The following SHISA9 variants were observed in gnomAD, a reference collection of about 807,000 sequenced individuals.
The protein encoded by SHISA9 is protein shisa-9.
Under a neutral mutation model 38.0 loss-of-function variants are expected in SHISA9, and 13 were observed. The observed-to-expected ratio is 0.34, with a 90% CI of 0.22 to 0.54. SHISA9 has a LOEUF of 0.54. SHISA9 is among the 20% of genes least tolerant of loss of function. The probability of loss-of-function intolerance (pLI) is 0.91; values close to 1 mark genes in which losing one functional copy is unlikely to be tolerated. For synonymous variants in SHISA9, 275 were observed against 242.0 expected, an observed-to-expected ratio of 1.14 and a Z score of -1.27; for missense variants, 538 against 575.8, an observed-to-expected ratio of 0.93 and a Z score of 0.67.
At chr16:13,461,439 C>T in the SHISA9 span, among the ~76,000 whole-genome samples, 3 of 151,866 alleles carry the variant, frequency 2.0e-5, no homozygotes, top group Non-Finnish European at 4.4e-5. Flanking sequence ...ATTAGCCGGA[C>T]GTGGTGGCAC....
chr16:13,234,989 CTCTT>C, intron 4 of SHISA9, 37 bp from the exon 5 acceptor site: 1 of 1,459,746 alleles, frequency 6.9e-7, no homozygotes, highest in Non-Finnish European at 9.2e-7. Context: ...TCTCTCTCTT[CTCTT>C]TCTTCCCCTT....
chr16:13,026,693 A>G (rs78195044), intron 2 of SHISA9, among the ~76,000 whole-genome samples: 4,813 of 152,286 alleles, frequency 0.032, 142 homozygotes, highest in East Asian at 0.14. Context: ...ACTGTGGGTC[A>G]GTTCTGACCT....
intron 2 of SHISA9, among the ~76,000 whole-genome samples, chr16:13,161,570 G>T (rs2050595360): frequency 6.6e-6 from 1 of 152,128 alleles, no homozygotes; most frequent in Non-Finnish European, 1.5e-5. Flanking sequence ...GCATTTTTCT[G>T]TCCCAGCCAT....
At chr16:13,052,183 A>G (rs1186306338) in intron 2 of SHISA9, among the ~76,000 whole-genome samples, 2 of 152,242 alleles carry the variant, frequency 1.3e-5, no homozygotes, top group Non-Finnish European at 2.9e-5. Context: ...ATCCAAGAAA[A>G]GAAAAAAAAG....
At chr16:13,188,930 G>A (rs1276108830) in intron 2 of SHISA9, among the ~76,000 whole-genome samples, 2 of 152,076 alleles carry the variant, frequency 1.3e-5, no homozygotes, top group African/African-American at 4.8e-5. Context: ...AATCCAATAT[G>A]ACTGGTCTCC....
At chr16:13,073,054 G>C (rs1029600750) in intron 2 of SHISA9, among the ~76,000 whole-genome samples, 3 of 152,098 alleles carry the variant, frequency 2.0e-5, no homozygotes, top group African/African-American at 7.2e-5. Context: ...GCCTTTCAGA[G>C]TGCTGGGATT....
chr16:13,061,587 T>C (rs1356229171), intron 2 of SHISA9, among the ~76,000 whole-genome samples: 1 of 152,132 alleles, frequency 6.6e-6, no homozygotes, highest in Non-Finnish European at 1.5e-5. Flanking sequence ...ACTCAACATA[T>C]GTATTGAGGA....
chr16:13,338,218 T>G, the SHISA9 span, among the ~76,000 whole-genome samples: 1 of 152,150 alleles, frequency 6.6e-6, no homozygotes, highest in Non-Finnish European at 1.5e-5. Context: ...TGATGTCATT[T>G]GAATCCCTGG....
At chr16:13,320,261 C>G in the SHISA9 span, among the ~76,000 whole-genome samples, 1 of 131,830 alleles carries the variant, frequency 7.6e-6, no homozygotes, top group South Asian at 2.6e-4. Flanking sequence ...CCACTGCACT[C>G]CAGCCTGGGT....
the SHISA9 span, among the ~76,000 whole-genome samples, chr16:13,377,524 C>T: frequency 2.0e-5 from 3 of 152,130 alleles, no homozygotes; most frequent in African/African-American, 7.2e-5. Context: ...GCTAGGACAC[C>T]TGATACCTAT....
chr16:13,280,035 G>A, the SHISA9 span, among the ~76,000 whole-genome samples: 1 of 150,398 alleles, frequency 6.6e-6, no homozygotes, highest in African/African-American at 2.5e-5. Flanking sequence ...CATTTACTCT[G>A]CTTTAAATAT....
At chr16:13,315,828 A>G in the SHISA9 span, among the ~76,000 whole-genome samples, 4 of 152,182 alleles carry the variant, frequency 2.6e-5, no homozygotes, top group South Asian at 8.3e-4. Flanking sequence ...TTTAAGAGTG[A>G]AAACATGAAC....
At chr16:13,106,752 A>G (rs1244476445) in intron 2 of SHISA9, among the ~76,000 whole-genome samples, 1 of 152,176 alleles carries the variant, frequency 6.6e-6, no homozygotes, top group African/African-American at 2.4e-5. Context: ...AAAAATCAGT[A>G]AGTGGCAAAT....
At chr16:13,529,258 C>T in the SHISA9 span, among the ~76,000 whole-genome samples, 1 of 152,198 alleles carries the variant, frequency 6.6e-6, no homozygotes, top group Non-Finnish European at 1.5e-5. Context: ...TCACACACCC[C>T]AAAAGGTCAA....
At chr16:12,956,206 C>CTGT (rs2071832632) in intron 2 of SHISA9, among the ~76,000 whole-genome samples, 1 of 70,372 alleles carries the variant, frequency 1.4e-5, no homozygotes, top group African/African-American at 4.3e-5. Context: ...GTCAGAATGG[C>CTGT]TATTACTAAA....
chr16:13,202,365 A>G (rs1482309127), intron 2 of SHISA9, among the ~76,000 whole-genome samples: 1 of 129,764 alleles, frequency 7.7e-6, no homozygotes, highest in Non-Finnish European at 1.7e-5. Context: ...TATTATAACA[A>G]CCCTCCTTCC....
intron 2 of SHISA9, among the ~76,000 whole-genome samples, chr16:13,015,570 C>A (rs2072731554): frequency 2.0e-5 from 3 of 152,196 alleles, no homozygotes; most frequent in Non-Finnish European, 4.4e-5. Flanking sequence ...CATTTTTGAA[C>A]CAATGCTTTT....
At chr16:13,317,750 C>G in the SHISA9 span, among the ~76,000 whole-genome samples, 14 of 152,342 alleles carry the variant, frequency 9.2e-5, no homozygotes, top group South Asian at 1.7e-3. Context: ...TGGCAACCAT[C>G]TGTCCCTTCA....
chr16:13,140,180 C>T (rs1238164254), intron 2 of SHISA9, among the ~76,000 whole-genome samples: 4 of 119,092 alleles, frequency 3.4e-5, no homozygotes, highest in African/African-American at 1.3e-4. Context: ...CCTCCCCTTC[C>T]CTTCCCTTTC....
Sources: gnomAD v4.1 joint callset for allele counts (sites outside exome capture counted in the v4.1 genomes callset) on GRCh38, gnomAD v4.1.1 for gene constraint, MANE v1.5 for transcripts, NCBI Gene and HGNC (gene_info 2026-07-23, HGNC 2026-07-21) for gene names.